PHTF2: variants seen among roughly 807,000 people sequenced by gnomAD.
The protein encoded by PHTF2 is protein PHTF2.
In PHTF2, 60 loss-of-function variants were observed where a neutral mutation model predicts 101.2. The ratio of observed to expected loss-of-function variants is 0.59; its 90% CI spans 0.48 to 0.73. PHTF2 has a LOEUF of 0.73. Ranked by LOEUF, PHTF2 falls within the 30% of genes least tolerant of loss-of-function variation. The pLI is 0.00. For missense variants in PHTF2, 747 were observed against 908.7 expected (o/e 0.82, Z 2.29); for synonymous variants, 311 against 307.3 (o/e 1.01, Z -0.13).
chr7:77,908,978 A>G lies in PHTF2; in HGVS notation c.611+20A>G, dbSNP rs923023898. On this transcript the variant is annotated intron_variant, in intron 8 of 19. Transcript: ENST00000416283. ...AAGAAGGTACTGTTTTTTAAAAAGT[A>G]ATCTTTTTGTACATTTATGTAATTT... is the stretch of plus-strand genomic sequence containing the variant. The G allele has an allele frequency of 4.0e-6, 6 of 1,514,074 alleles. No individual in the cohort carries two copies. Among genetic ancestry groups the G allele is most frequent in the Non-Finnish European group, 5.4e-6 (6 of 1,105,150 alleles). 93.8% of individuals were successfully genotyped at this position (1,514,074 alleles called of 1,614,324 possible). A position where few individuals can be genotyped will look rare whatever the true frequency, so the allele number is the denominator to read the frequency against.
intron 18 of PHTF2, 134 bp from the exon 18 acceptor site, chr7:77,953,635 G>C: frequency 1.5e-6 from 1 of 656,206 alleles, no homozygotes. Flanking sequence ...GTTTAACCAA[G>C]TTTATCCTTT....
chr7:77,884,325 G>T (rs909250039), intron 3 of PHTF2, among the ~76,000 whole-genome samples: 10 of 152,266 alleles, frequency 6.6e-5, no homozygotes, highest in Middle Eastern at 3.4e-3. Context: ...CATTGTACCT[G>T]TTACCTGAGT....
At chr7:77,859,409 C>G (rs1243703734) in intron 3 of PHTF2, among the ~76,000 whole-genome samples, 1 of 152,080 alleles carries the variant, frequency 6.6e-6, no homozygotes, top group Non-Finnish European at 1.5e-5. Context: ...CAGTGAAGAA[C>G]TGAGTAAGAG....
intron 1 of PHTF2, among the ~76,000 whole-genome samples, chr7:77,821,126 GTT>G (rs56131046): frequency 0.21 from 32,080 of 149,668 alleles, 3,818 homozygotes; most frequent in South Asian, 0.29. Flanking sequence ...TTGGATGGCA[GTT>G]TTTTTTTTTT....
At position 77,865,698 on chromosome 7, in the gene PHTF2, C is replaced by T. The variant is rs117566509; in HGVS notation, c.147+10864C>T. On this transcript the variant is annotated intron_variant, in intron 3 of 19. Coordinates refer to ENST00000416283, the Ensembl canonical transcript of PHTF2. ...TCAGGGTCTTACTGTATACTTGGTACTTGGTAAATGTTTACTGCTTTGATA... is the reference window on the plus strand; with the variant it reads ...TCAGGGTCTTACTGTATACTTGGTATTTGGTAAATGTTTACTGCTTTGATA... Among the ~76,000 whole-genome samples the T allele has an allele frequency of 1.3e-3, 193 of 152,186 alleles. 2 individuals are homozygous for T. The highest frequency in any genetic ancestry group is 7.9e-3 in the South Asian group (38 of 4,814).
rs781569254 is a variant in PHTF2 at position 77,954,912 on chromosome 7, C to T, written c.*34C>T. The T allele has an allele frequency of 6.9e-6, 9 of 1,303,216 alleles. No individual in the cohort carries two copies. The South Asian group carries it at 9.1e-5, about 13-fold the overall frequency. The allele number at this position is 1,303,216 out of a possible 1,614,324, so 80.7% of individuals were successfully genotyped here. Reference sequence around the variant, plus strand: ...AGAAAAGAAGATGTAGCCTCTTTTCCAGAATAAGAGTACTGACTAAGCTGC... The same window carrying T: ...AGAAAAGAAGATGTAGCCTCTTTTCTAGAATAAGAGTACTGACTAAGCTGC... On this transcript the variant is annotated 3_prime_UTR_variant, in exon 20 of 20. Transcript: ENST00000416283.
chr7:77,924,821 C>T (rs778128463), intron 11 of PHTF2, among the ~76,000 whole-genome samples: 1 of 152,090 alleles, frequency 6.6e-6, no homozygotes. Context: ...TGTTTGGCAC[C>T]AAGGGAACTG....
intron 1 of PHTF2, among the ~76,000 whole-genome samples, chr7:77,824,924 A>G (rs1794593766): frequency 6.6e-6 from 1 of 151,784 alleles, no homozygotes; most frequent in South Asian, 2.1e-4. Flanking sequence ...AGTCTTAGCT[A>G]CTTGGGAGGC....
At chr7:77,899,418 G>A (rs1181545836) in intron 5 of PHTF2, among the ~76,000 whole-genome samples, 6 of 151,892 alleles carry the variant, frequency 4.0e-5, no homozygotes, top group Non-Finnish European at 8.8e-5. Flanking sequence ...ACGTTGATTT[G>A]GGGGTACAAA....
At chr7:77,921,124 T>A (rs1418926029) in intron 10 of PHTF2, among the ~76,000 whole-genome samples, 1 of 152,218 alleles carries the variant, frequency 6.6e-6, no homozygotes, top group Non-Finnish European at 1.5e-5. Flanking sequence ...GGAAACCAGT[T>A]TTCCATTCAT....
At chr7:77,950,979 G>A (rs1301234937) in intron 17 of PHTF2, among the ~76,000 whole-genome samples, 1 of 152,210 alleles carries the variant, frequency 6.6e-6, no homozygotes, top group Non-Finnish European at 1.5e-5. Context: ...CTGCCAGATT[G>A]GGGGTAAAGG....
At chr7:77,953,746 G>A in intron 18 of PHTF2, 23 bp from the exon 18 acceptor site, 1 of 1,600,330 alleles carries the variant, frequency 6.2e-7, no homozygotes, top group Non-Finnish European at 8.5e-7. Flanking sequence ...ATCTGGGACT[G>A]ACTTTTTTTT....
chr7:77,943,183 C>T (rs1359635265), intron 16 of PHTF2, among the ~76,000 whole-genome samples: 6 of 152,214 alleles, frequency 3.9e-5, no homozygotes, highest in South Asian at 2.1e-4. Context: ...TGCAGTGGCG[C>T]GATCTCGGCT....
intron 11 of PHTF2, chr7:77,923,344 G>T (rs1383781607): frequency 3.1e-6 from 3 of 957,996 alleles, no homozygotes; most frequent in South Asian, 4.8e-5. Flanking sequence ...AGAACATTTG[G>T]CTTTAAGGCA....
At chr7:77,905,522 A>AGC (rs1276629398) in intron 7 of PHTF2, among the ~76,000 whole-genome samples, 1 of 151,524 alleles carries the variant, frequency 6.6e-6, no homozygotes, top group Non-Finnish European at 1.5e-5. Flanking sequence ...GTCAGCCACC[A>AGC]CAGTTTCTCT....
intron 1 of PHTF2, among the ~76,000 whole-genome samples, chr7:77,825,407 A>G (rs1322276132): frequency 6.6e-6 from 1 of 152,190 alleles, no homozygotes; most frequent in Non-Finnish European, 1.5e-5. Context: ...TCAAGGAAAA[A>G]TCCTTGAGAA....
At chr7:77,942,239 T>C (rs1474686376) in intron 15 of PHTF2, among the ~76,000 whole-genome samples, 1 of 152,200 alleles carries the variant, frequency 6.6e-6, no homozygotes, top group Admixed American at 6.5e-5. Flanking sequence ...CAAAGCATCC[T>C]ATGTCTTTCC....
intron 3 of PHTF2, among the ~76,000 whole-genome samples, chr7:77,877,708 C>A (rs1438240387): frequency 6.6e-6 from 1 of 152,200 alleles, no homozygotes; most frequent in Non-Finnish European, 1.5e-5. Flanking sequence ...CTTTTCACCA[C>A]ATGCGTAAAC....
chr7:77,901,018 G>A (rs865893104), intron 6 of PHTF2, among the ~76,000 whole-genome samples: 5 of 152,166 alleles, frequency 3.3e-5, no homozygotes, highest in Admixed American at 6.5e-5. Flanking sequence ...GAAGGCAAGC[G>A]GGACCAGGCA....
Sources: allele counts gnomAD v4.1 joint callset (sites outside exome capture counted in the v4.1 genomes callset), GRCh38; gene constraint gnomAD v4.1.1; transcripts MANE v1.5; gene names NCBI Gene and HGNC (gene_info 2026-07-23, HGNC 2026-07-21).